Variants in PTPRT observed in about 807,000 individuals in gnomAD.
PTPRT encodes receptor-type tyrosine-protein phosphatase T.
In PTPRT, 56 loss-of-function variants were observed where a neutral mutation model predicts 176.8. The observed-to-expected ratio is 0.32, with a 90% CI of 0.26 to 0.40. PTPRT has a LOEUF of 0.40. Ranked by LOEUF, PTPRT falls within the 10% of genes least tolerant of loss-of-function variation. PTPRT has a pLI of 1.00. For synonymous variants in PTPRT, 783 were observed against 739.0 expected (o/e 1.06, Z -0.96); for missense variants, 1,540 against 1,908.2 (o/e 0.81, Z 3.60).
chr20:43,016,701 T>C (rs1202564225), intron 1 of PTPRT, among the ~76,000 whole-genome samples: 3 of 151,256 alleles, frequency 2.0e-5, no homozygotes, highest in African/African-American at 7.3e-5. Flanking sequence ...CCACACCCAG[T>C]TAGTTTTTGT....
chr20:42,648,444 T>C (rs2074955986), intron 7 of PTPRT, among the ~76,000 whole-genome samples: 2 of 152,082 alleles, frequency 1.3e-5, no homozygotes, highest in South Asian at 2.1e-4. Context: ...GTTGAATCAC[T>C]ACACAGATAA....
intron 9 of PTPRT, among the ~76,000 whole-genome samples, chr20:42,405,823 T>C (rs1568851475): frequency 1.3e-5 from 2 of 152,296 alleles, no homozygotes; most frequent in South Asian, 2.1e-4. Context: ...TGTAAAAGTG[T>C]TCCTATTTCT....
In PTPRT at chr20:43,018,945, GC is replaced by G. The variant is rs538530715; in HGVS notation, c.89-133014del. Among the ~76,000 whole-genome samples, 16 of 152,280 alleles carry G rather than the reference GC, an allele frequency of 1.1e-4. No individual in the cohort carries two copies. The South Asian group carries it at 3.3e-3, about 32-fold the overall frequency. On this transcript the variant is annotated intron_variant, in intron 1 of 30. Transcript: ENST00000373187. ...GACAATATTTATTAAAACTTCAAAT[GC>G]ACATTCCTGCTGATCCATTCATTTC... is the stretch of plus-strand genomic sequence containing the variant.
chr20:42,190,494 C>T (rs775414786), intron 16 of PTPRT, among the ~76,000 whole-genome samples: 11 of 152,148 alleles, frequency 7.2e-5, no homozygotes, highest in Admixed American at 1.3e-4. Flanking sequence ...CCCAGAGAGG[C>T]CATAATTCTA....
intron 7 of PTPRT, among the ~76,000 whole-genome samples, chr20:42,648,075 T>C (rs2074945979): frequency 1.4e-5 from 2 of 147,798 alleles, no homozygotes; most frequent in Non-Finnish European, 3.0e-5. Flanking sequence ...CCTGATCCTC[T>C]GGGGAAACGG....
intron 1 of PTPRT, among the ~76,000 whole-genome samples, chr20:43,070,887 C>A (rs2011171239): frequency 6.6e-6 from 1 of 150,584 alleles, no homozygotes; most frequent in South Asian, 2.1e-4. Context: ...TTAATGGGTG[C>A]AGCACACCAA....
chr20:42,503,866 C>T (rs2071798763), intron 7 of PTPRT, among the ~76,000 whole-genome samples: 1 of 152,088 alleles, frequency 6.6e-6, no homozygotes, highest in Non-Finnish European at 1.5e-5. Flanking sequence ...AGTAAACTTA[C>T]TGATTCTACC....
chr20:42,876,065 T>A (rs2145837561), intron 2 of PTPRT, among the ~76,000 whole-genome samples: 1 of 152,248 alleles, frequency 6.6e-6, no homozygotes, highest in East Asian at 1.9e-4. Context: ...TCCTTCACTC[T>A]CTCCCTTTCT....
At chr20:42,803,053 C>T (rs1257646763) in intron 2 of PTPRT, among the ~76,000 whole-genome samples, 2 of 152,182 alleles carry the variant, frequency 1.3e-5, no homozygotes, top group Admixed American at 6.5e-5. Context: ...TGCAGATCTT[C>T]GACTACAACA....
chr20:43,149,837 G>A (rs2146417733), intron 1 of PTPRT, among the ~76,000 whole-genome samples: 1 of 152,328 alleles, frequency 6.6e-6, no homozygotes, highest in Non-Finnish European at 1.5e-5. Flanking sequence ...GAACACCGTG[G>A]TCTCTAAGTC....
chr20:42,649,885 G>A (rs1458170978), intron 7 of PTPRT, among the ~76,000 whole-genome samples: 1 of 152,144 alleles, frequency 6.6e-6, no homozygotes, highest in Admixed American at 6.5e-5. Flanking sequence ...TGCAGGCAAG[G>A]CTTACTTGCC....
intron 7 of PTPRT, among the ~76,000 whole-genome samples, chr20:42,516,819 G>A (rs2072076056): frequency 6.6e-6 from 1 of 151,996 alleles, no homozygotes; most frequent in Non-Finnish European, 1.5e-5. Context: ...TAGAAACATT[G>A]GCAAATTCTC....
At chr20:42,489,449 G>T (rs1218150999) in intron 7 of PTPRT, among the ~76,000 whole-genome samples, 1 of 151,726 alleles carries the variant, frequency 6.6e-6, no homozygotes, top group Non-Finnish European at 1.5e-5. Context: ...TCTGTTGCGG[G>T]TTAAGCCATC....
the PTPRT span, among the ~76,000 whole-genome samples, chr20:42,043,182 C>A: frequency 1.3e-5 from 2 of 152,314 alleles, no homozygotes; most frequent in East Asian, 1.9e-4. Context: ...TCAAAGCTTT[C>A]CCAAGACTTT....
At chr20:42,588,518 G>C (rs1377745815) in intron 7 of PTPRT, among the ~76,000 whole-genome samples, 1 of 151,696 alleles carries the variant, frequency 6.6e-6, no homozygotes, top group Non-Finnish European at 1.5e-5. Flanking sequence ...TCTGCTATAA[G>C]GAACACACCA....
intron 7 of PTPRT, among the ~76,000 whole-genome samples, chr20:42,624,492 C>A (rs1245830156): frequency 6.6e-6 from 1 of 152,112 alleles, no homozygotes; most frequent in Admixed American, 6.5e-5. Context: ...AAAAAATTAA[C>A]GATTTTTAAA....
At chr20:42,220,607 C>T (rs751685453) in intron 15 of PTPRT, among the ~76,000 whole-genome samples, 24 of 151,878 alleles carry the variant, frequency 1.6e-4, no homozygotes, top group Non-Finnish European at 2.9e-4. Flanking sequence ...GCCTCTAAAC[C>T]GCACATGTCC....
intron 1 of PTPRT, among the ~76,000 whole-genome samples, chr20:43,042,387 C>T (rs3091580): frequency 0.32 from 47,959 of 151,744 alleles, 10,469 homozygotes; most frequent in African/African-American, 0.62. Context: ...TATCATCTCC[C>T]AAAGCCAAAC....
chr20:42,746,627 G>GA (rs10679474), intron 6 of PTPRT, among the ~76,000 whole-genome samples: 53,435 of 151,290 alleles, frequency 0.35, 11,828 homozygotes, highest in African/African-American at 0.63. Flanking sequence ...GCAGTCATGG[G>GA]AAAAAAAATG....
Sources: allele counts gnomAD v4.1 joint callset (sites outside exome capture counted in the v4.1 genomes callset), GRCh38; gene constraint gnomAD v4.1.1; transcripts MANE v1.5; gene names NCBI Gene and HGNC (gene_info 2026-07-23, HGNC 2026-07-21).